The following IL16 variants were observed in gnomAD, a reference collection of about 807,000 sequenced individuals.
The protein encoded by IL16 is interleukin 16.
A neutral mutation model predicts 110.1 loss-of-function variants in IL16; 67 were observed. That is an observed-to-expected ratio of 0.61 (90% CI 0.50 to 0.75). The LOEUF (loss-of-function observed/expected upper bound fraction) is 0.75. Among genes scored for constraint, IL16 ranks in the 30% least tolerant of loss-of-function variants. The pLI, the probability that IL16 is intolerant of heterozygous loss-of-function variation, is 0.00. For missense variants in IL16, 1,545 were observed against 1,655.0 expected (o/e 0.93, Z 1.15); for synonymous variants, 689 against 662.9 (o/e 1.04, Z -0.61).
chr15:81,185,212 G>A (rs1384093995), intron 1 of IL16, among the ~76,000 whole-genome samples: 1 of 152,122 alleles, frequency 6.6e-6, no homozygotes, highest in Non-Finnish European at 1.5e-5. Context: ...ATAGTTAAGA[G>A]CTATGTAATG....
chr15:81,210,830 T>C (rs550639823), intron 1 of IL16, among the ~76,000 whole-genome samples: 7 of 152,368 alleles, frequency 4.6e-5, no homozygotes, highest in African/African-American at 1.7e-4. Context: ...TGTATGCTTT[T>C]CATTTTTTTC....
intron 2 of IL16, among the ~76,000 whole-genome samples, chr15:81,239,142 C>T (rs4587933): frequency 0.24 from 35,800 of 151,700 alleles, 4,840 homozygotes; most frequent in African/African-American, 0.37. Context: ...TCTTTTCTCA[C>T]ATGACTCGTG....
In IL16 at chr15:81,300,409, C is replaced by T. The variant is rs1208070828; in HGVS notation, c.3083C>T (p.Ser1028Phe). 3 of 1,614,090 alleles carry T rather than the reference C, an allele frequency of 1.9e-6. No individual in the cohort carries two copies. In the African/African-American group the frequency reaches 4.0e-5, roughly 22 times the overall value. ...PKEGASPTSS[S>F]NEDSAANGSA... ...GAAGGGGCATCTCCAACATCATCAT[C>T]CAACGAAGACTCAGCTGCAAATGGT... The change falls in exon 14 of 19, where the codon TCC becomes TTC. Residue 1028 changes from serine to phenylalanine, a missense_variant. Ser to Phe is a radical substitution (Grantham distance 155). Coordinates refer to ENST00000683961, the MANE Select transcript of IL16 (RefSeq NM_172217.5).
chr15:81,299,758 A>ATCC lies in IL16; in HGVS notation c.2434_2436dup (p.Pro812dup), dbSNP rs1327521317. The ATCC allele has an allele frequency of 6.2e-7, 1 of 1,614,130 alleles. No homozygotes were observed. Among genetic ancestry groups the ATCC allele is most frequent in the South Asian group, 1.1e-5 (1 of 91,086 alleles). On this transcript the variant is annotated inframe_insertion, in exon 14 of 19. Coordinates refer to ENST00000683961, the MANE Select transcript of IL16 (RefSeq NM_172217.5). Reference sequence around the variant, plus strand: ...GCTTCAGACCCAAGAGGGCTCCCTGATCCTGCCTTGTCCACCCAGCCAGCA... The same window carrying ATCC: ...GCTTCAGACCCAAGAGGGCTCCCTGATCCTCCTGCCTTGTCCACCCAGCCAGCA...
intron 5 of IL16, 121 bp downstream of exon 5, chr15:81,269,769 C>T (rs1596014400): frequency 4.4e-6 from 3 of 685,572 alleles, no homozygotes; most frequent in East Asian, 5.2e-5. Context: ...TCAGAAGAGA[C>T]AAACACAAGA....
At chr15:81,278,708 G>A (rs1053155010) in intron 6 of IL16, 109 bp from the exon 7 acceptor site, 26 of 780,174 alleles carry the variant, frequency 3.3e-5, no homozygotes, top group South Asian at 7.1e-5. Flanking sequence ...CCAGAGCTTC[G>A]TGCATCATAC....
intron 16 of IL16, 95 bp from the exon 17 acceptor site, chr15:81,305,813 C>A: frequency 2.1e-6 from 3 of 1,458,878 alleles, no homozygotes; most frequent in Non-Finnish European, 2.8e-6. Context: ...GCCTAAAAAT[C>A]CTCTAGCATT....
Position 81,225,377 on chromosome 15 carries a change from G to A in IL16, c.-23G>A. ...GCCAGAGACCAGGAAAGGAAGAAAGGCAGCTTCACTTCCTCTTTGAGGATG... is the reference window on the plus strand; with the variant it reads ...GCCAGAGACCAGGAAAGGAAGAAAGACAGCTTCACTTCCTCTTTGAGGATG... On this transcript the variant is annotated 5_prime_UTR_variant, in exon 2 of 19. Transcript: ENST00000683961. 6.2e-7 allele frequency: 1 copy of A among 1,611,032 alleles called. No homozygotes were observed. Among genetic ancestry groups the A allele is most frequent in the Non-Finnish European group, 8.5e-7 (1 of 1,179,426 alleles).
chr15:81,258,775 A>G (rs192184439), intron 2 of IL16, among the ~76,000 whole-genome samples: 3 of 149,542 alleles, frequency 2.0e-5, no homozygotes, highest in Non-Finnish European at 4.4e-5. Context: ...CTCTCTCTCT[A>G]TATATATATA....
chr15:81,257,453 C>G (rs1897987480), intron 2 of IL16, among the ~76,000 whole-genome samples: 1 of 152,122 alleles, frequency 6.6e-6, no homozygotes, highest in Non-Finnish European at 1.5e-5. Flanking sequence ...GGAAAGGGGC[C>G]AACACATTCT....
intron 2 of IL16, among the ~76,000 whole-genome samples, chr15:81,236,927 C>T (rs960996642): frequency 6.6e-6 from 1 of 152,142 alleles, no homozygotes; most frequent in African/African-American, 2.4e-5. Context: ...CCATTGCACT[C>T]CAGCCTGGGT....
At position 81,196,982 on chromosome 15, in the gene IL16, C is replaced by A; in HGVS notation, c.-272C>A. The A allele has an allele frequency of 8.6e-6, 11 of 1,276,314 alleles. No homozygotes were observed. Among genetic ancestry groups the A allele is most frequent in the Non-Finnish European group, 1.1e-5 (11 of 984,908 alleles). 79.1% of individuals were successfully genotyped at this position (1,276,314 alleles called of 1,614,324 possible). On this transcript the variant is annotated 5_prime_UTR_variant, in exon 1 of 19. Coordinates refer to ENST00000683961, the MANE Select transcript of IL16 (RefSeq NM_172217.5). The stretch of plus-strand genomic sequence containing the variant: ...GGGATCTGACTCAAAGGCCGGCCTC[C>A]GTCTGAGAACTGAGCGTCCATTTCT...
chr15:81,272,948 C>G (rs1184584875), intron 5 of IL16, 142 bp from the exon 6 acceptor site: 73 of 433,200 alleles, frequency 1.7e-4, no homozygotes, highest in Middle Eastern at 7.1e-4. Flanking sequence ...TGTTGTTAAC[C>G]TCTGAGACCT....
intron 1 of IL16, among the ~76,000 whole-genome samples, chr15:81,202,147 T>A (rs1895839771): frequency 6.6e-6 from 1 of 152,200 alleles, no homozygotes. Flanking sequence ...CAACAAATAT[T>A]TACTGAGCAA....
In IL16 at chr15:81,309,395, T is replaced by C. The variant is rs899198362; in HGVS notation, c.*597T>C. Reference sequence around the variant, plus strand: ...TTGTGGCCTGGGCCTCCTCACAACATGGTGTCTGGATTCCCAGGATGAGCA... The same window carrying C: ...TTGTGGCCTGGGCCTCCTCACAACACGGTGTCTGGATTCCCAGGATGAGCA... On this transcript the variant is annotated 3_prime_UTR_variant, in exon 19 of 19. Coordinates refer to ENST00000683961, the MANE Select transcript of IL16 (RefSeq NM_172217.5). 6.6e-6 allele frequency: 1 copy of C among 152,464 alleles called. No homozygotes were observed. Among genetic ancestry groups the C allele is most frequent in the Admixed American group, 6.5e-5 (1 of 15,284 alleles). The allele number at this position is 152,464 out of a possible 1,614,324, so 9.4% of individuals were successfully genotyped here. A position where few individuals can be genotyped will look rare whatever the true frequency, so the allele number is the denominator to read the frequency against.
chr15:81,261,295 C>T (rs1898145192), intron 3 of IL16, among the ~76,000 whole-genome samples: 1 of 152,206 alleles, frequency 6.6e-6, no homozygotes. Context: ...ACTGTGCAGG[C>T]CACGTGCCCC....
intron 4 of IL16, among the ~76,000 whole-genome samples, chr15:81,267,766 C>T (rs1898455852): frequency 6.6e-6 from 1 of 152,192 alleles, no homozygotes; most frequent in Non-Finnish European, 1.5e-5. Flanking sequence ...TGTCCTAGTT[C>T]AAAGGCAGTC....
rs1361123928 is a variant in IL16, at chr15:81,293,011, G to C, written c.1876G>C (p.Gly626Arg). The C allele has an allele frequency of 1.9e-6, 3 of 1,610,102 alleles. No homozygotes were observed. In the Admixed American group the frequency reaches 5.0e-5, roughly 27 times the overall value. The change falls in exon 12 of 19, where the codon GGG becomes CGG. Residue 626 changes from glycine (G) to arginine (R), a missense_variant. Transcript: ENST00000683961. ...GAGAGAGAACTCCTCATGCTCTTCT[G>C]GGCACACCCCACCCACCTGTGGCCA... ...EERENSSCSS[G>R]HTPPTCGQEA...
intron 2 of IL16, among the ~76,000 whole-genome samples, chr15:81,229,143 T>C (rs1896888708): frequency 6.6e-6 from 1 of 152,152 alleles, no homozygotes; most frequent in African/African-American, 2.4e-5. Flanking sequence ...AGACAGTGTG[T>C]AAGAGTTATA....
Sources: allele counts gnomAD v4.1 joint callset (sites outside exome capture counted in the v4.1 genomes callset), GRCh38; gene constraint gnomAD v4.1.1; transcripts MANE v1.5; gene names NCBI Gene and HGNC (gene_info 2026-07-23, HGNC 2026-07-21).